The following ATP11B variants were observed in gnomAD, a reference collection of about 807,000 sequenced individuals.
ATP11B encodes ATPase phospholipid transporting 11B (putative).
ATP11B carries 81 observed loss-of-function variants against 157.8 expected under a neutral mutation model. That is an observed-to-expected ratio of 0.51 (90% CI 0.43 to 0.62). ATP11B has a LOEUF of 0.62. Among genes scored for constraint, ATP11B ranks in the 20% least tolerant of loss-of-function variants. ATP11B has a pLI of 0.00. For missense variants in ATP11B, 1,165 were observed against 1,402.2 expected (o/e 0.83, Z 2.70); for synonymous variants, 451 against 469.4 (o/e 0.96, Z 0.51).
chr3:182,871,091 G>A (rs1037910556), intron 17 of ATP11B, among the ~76,000 whole-genome samples: 1 of 152,058 alleles, frequency 6.6e-6, no homozygotes, highest in Admixed American at 6.6e-5. Context: ...TTGTGGCCAG[G>A]AGTTTGAGAC....
At chr3:182,824,795 A>G (rs958691451) in intron 2 of ATP11B, among the ~76,000 whole-genome samples, 1 of 152,180 alleles carries the variant, frequency 6.6e-6, no homozygotes, top group Non-Finnish European at 1.5e-5. Flanking sequence ...ACTCCTTCCA[A>G]AACAGATTAC....
Position 182,872,545 on chromosome 3 carries a change from T to A in ATP11B, c.2048+8T>A. On this transcript the variant is annotated splice_region_variant and intron_variant, in intron 18 of 29. Coordinates refer to ENST00000323116, the MANE Select transcript of ATP11B (RefSeq NM_014616.3). The stretch of plus-strand genomic sequence containing the variant: ...CACAGCAGTAGAAGACAGGTAAGTA[T>A]CAGATAATTAAAAAATATTACTTTT... The A allele has an allele frequency of 6.4e-7, 1 of 1,566,106 alleles. No individual in the cohort carries two copies. The highest frequency in any genetic ancestry group is 8.6e-7 in the Non-Finnish European group (1 of 1,159,538).
At chr3:182,861,706 T>G (rs956204341) in intron 12 of ATP11B, among the ~76,000 whole-genome samples, 1 of 152,178 alleles carries the variant, frequency 6.6e-6, no homozygotes, top group Non-Finnish European at 1.5e-5. Flanking sequence ...TGGGATAAAT[T>G]TGTGTTTTCA....
intron 28 of ATP11B, among the ~76,000 whole-genome samples, chr3:182,907,966 C>T (rs1724490858): frequency 6.6e-6 from 1 of 152,126 alleles, no homozygotes; most frequent in African/African-American, 2.4e-5. Flanking sequence ...TTCTCTCTTA[C>T]AGCCTGTGAC....
intron 7 of ATP11B, among the ~76,000 whole-genome samples, chr3:182,838,090 T>TA (rs1260086808): frequency 5.3e-5 from 8 of 152,214 alleles, no homozygotes; most frequent in Non-Finnish European, 7.4e-5. Flanking sequence ...TTTCCAAACT[T>TA]ACGTATCTTT....
chr3:182,898,666 C>G lies in ATP11B; in HGVS notation c.3212C>G (p.Ser1071Cys), dbSNP rs1577097009. The G allele has an allele frequency of 2.5e-6, 4 of 1,609,918 alleles. No homozygotes were observed. The highest frequency in any genetic ancestry group is 3.4e-6 in the Non-Finnish European group (4 of 1,178,088). Residue 1071 changes from serine (S) to cysteine (C), a missense_variant, in exon 28 of 30, where the codon TCT (serine) becomes TGT (cysteine). Coordinates refer to ENST00000323116, the MANE Select transcript of ATP11B (RefSeq NM_014616.3). ...FVFIQLLSSGSAWFAIILMVV... is the reference protein window; with the variant it reads ...FVFIQLLSSGCAWFAIILMVV... ...TTTATTCAGCTCCTGTCAAGTGGTT[C>G]TGCTTGGTTTGCCATAATCCTCATG... is the stretch of plus-strand genomic sequence containing the variant.
At chr3:182,855,472 A>G (rs1016637600) in intron 10 of ATP11B, among the ~76,000 whole-genome samples, 1 of 152,214 alleles carries the variant, frequency 6.6e-6, no homozygotes, top group Non-Finnish European at 1.5e-5. Flanking sequence ...TTAGACAAAG[A>G]GCTAGAAGAC....
At chr3:182,848,120 C>T (rs180929942) in intron 9 of ATP11B, among the ~76,000 whole-genome samples, 16 of 152,296 alleles carry the variant, frequency 1.1e-4, no homozygotes, top group Middle Eastern at 3.4e-3. Context: ...AAGTGCTTTT[C>T]CATATCTGTC....
intron 13 of ATP11B, 90 bp from the exon 14 acceptor site, chr3:182,866,178 T>A (rs1306432963): frequency 6.1e-6 from 6 of 984,680 alleles, no homozygotes; most frequent in Non-Finnish European, 8.5e-6. Flanking sequence ...TGTAGCACTC[T>A]TGTTCTAGAT....
Position 182,898,743 on chromosome 3 carries a change from C to G in ATP11B, c.3289C>G (p.Leu1097Val). Residue 1097 changes from leucine to valine, a missense_variant, in exon 28 of 30, where the codon CTC (leucine) becomes GTC (valine). Leu to Val is a conservative substitution (Grantham distance 32). Transcript: ENST00000323116. Reference sequence around the variant, plus strand: ...CATAAAGAAGGTCTTTGACCGACACCTCCACCCTACAAGTACTGAAAAGGC... The same window carrying G: ...CATAAAGAAGGTCTTTGACCGACACGTCCACCCTACAAGTACTGAAAAGGC... ...DIIKKVFDRH[L>V]HPTSTEKAQL... 2 of 1,580,226 alleles carry G rather than the reference C, an allele frequency of 1.3e-6. No individual in the cohort carries two copies. The highest frequency in any genetic ancestry group is 1.7e-6 in the Non-Finnish European group (2 of 1,163,690).
At position 182,852,582 on chromosome 3, in the gene ATP11B, GTTA is replaced by G. The variant is rs1447441163; in HGVS notation, c.851+4031_851+4033del. ...CCTTAAGTCTGTCAAATAGCTTTAAGTTATTATTTAAAAATGTCTCCACGCTAA... is the reference window on the plus strand; with the variant it reads ...CCTTAAGTCTGTCAAATAGCTTTAAGTTATTTAAAAATGTCTCCACGCTAA... On this transcript the variant is annotated intron_variant, in intron 10 of 29. Coordinates refer to ENST00000323116, the MANE Select transcript of ATP11B (RefSeq NM_014616.3). 9.9e-5 allele frequency among the ~76,000 whole-genome samples: 15 copies of G among 152,280 alleles called. No individual in the cohort carries two copies. The East Asian group carries it at 2.3e-3, about 23-fold the overall frequency.
chr3:182,891,549 A>G lies in ATP11B; in HGVS notation c.2982+2001A>G, dbSNP rs553944506. On this transcript the variant is annotated intron_variant, in intron 25 of 29. Coordinates refer to ENST00000323116, the MANE Select transcript of ATP11B (RefSeq NM_014616.3). ...AAATGCTTCAAGAACATTTTTCATG[A>G]TTACGTAATACTCTATTACATTGTC... is the stretch of plus-strand genomic sequence containing the variant. 4.6e-5 allele frequency among the ~76,000 whole-genome samples: 7 copies of G among 152,278 alleles called. No individual in the cohort carries two copies. The South Asian group carries it at 1.2e-3, about 27-fold the overall frequency.
Position 182,866,406 on chromosome 3 carries a change from T to G in ATP11B, c.1582T>G (p.Ser528Ala), listed in dbSNP as rs776614808. Residue 528 changes from serine (S) to alanine (A), a missense_variant, in exon 14 of 30, where the codon TCA becomes GCA. Physicochemically the swap from Ser to Ala is moderately conservative, Grantham distance 99. Coordinates refer to ENST00000323116, the MANE Select transcript of ATP11B (RefSeq NM_014616.3). ...ATCGCAGTTGGAGTACTATGCATCT[T>G]CACCAGATGAAAAGGCTCTAGTAGA... The part of the protein sequence containing the change: ...APSQLEYYAS[S>A]PDEKALVEAA... 5.0e-6 allele frequency: 8 copies of G among 1,612,182 alleles called. No individual in the cohort carries two copies. Among genetic ancestry groups the G allele is most frequent in the Middle Eastern group, 1.7e-4 (1 of 6,060 alleles).
chr3:182,921,469 A>G lies in ATP11B; in HGVS notation c.*3365A>G, dbSNP rs1484186674. The G allele has an allele frequency of 6.6e-6, 1 of 152,218 alleles. No individual in the cohort carries two copies. Among genetic ancestry groups the G allele is most frequent in the Admixed American group, 6.5e-5 (1 of 15,280 alleles). The allele number at this position is 152,218 out of a possible 1,614,324, so 9.4% of individuals were successfully genotyped here. A position where few individuals can be genotyped will look rare whatever the true frequency, so the allele number is the denominator to read the frequency against. On this transcript the variant is annotated 3_prime_UTR_variant, in exon 30 of 30. Transcript: ENST00000323116. ...GAGTATCTGGAAATATTGTAGCAAT[A>G]CTTGGTTTAAAATTTTGGACCTGAG...
At chr3:182,845,759 C>T (rs55668228) in intron 9 of ATP11B, among the ~76,000 whole-genome samples, 3,094 of 152,194 alleles carry the variant, frequency 0.02, 102 homozygotes, top group African/African-American at 0.072. Flanking sequence ...TTTACGGATA[C>T]TTGTGAAACT....
At chr3:182,851,365 T>TC (rs1165447333) in intron 10 of ATP11B, among the ~76,000 whole-genome samples, 1 of 152,252 alleles carries the variant, frequency 6.6e-6, no homozygotes, top group Non-Finnish European at 1.5e-5. Context: ...GTATTTTTTT[T>TC]CTCTTTTCCA....
At chr3:182,905,943 G>T (rs953320430) in intron 28 of ATP11B, 3 of 451,738 alleles carry the variant, frequency 6.6e-6, no homozygotes, top group East Asian at 7.0e-5. Flanking sequence ...GGACCTTCCC[G>T]GGCACTCATC....
rs1051063612 is a variant in ATP11B at position 182,919,395 on chromosome 3, A to G, written c.*1291A>G. The G allele has an allele frequency of 6.6e-6, 1 of 152,630 alleles. No individual in the cohort carries two copies. Among genetic ancestry groups the G allele is most frequent in the Non-Finnish European group, 1.5e-5 (1 of 68,020 alleles). The allele number at this position is 152,630 out of a possible 1,614,324, so 9.5% of individuals were successfully genotyped here. Reference sequence around the variant, plus strand: ...GATTAATCGGGTACATGTTACTGTAATTAACTCATTGCACTTCAAAACCTA... The same window carrying G: ...GATTAATCGGGTACATGTTACTGTAGTTAACTCATTGCACTTCAAAACCTA... On this transcript the variant is annotated 3_prime_UTR_variant, in exon 30 of 30. Coordinates refer to ENST00000323116, the MANE Select transcript of ATP11B (RefSeq NM_014616.3).
Position 182,897,228 on chromosome 3 carries a change from C to T in ATP11B, c.3049-75C>T, listed in dbSNP as rs1723614493. 8 of 795,084 alleles carry T rather than the reference C, an allele frequency of 1.0e-5. 1 individual carries two copies. Among genetic ancestry groups the T allele is most frequent in the Middle Eastern group, 2.7e-4 (1 of 3,696 alleles). 49.3% of individuals were successfully genotyped at this position (795,084 alleles called of 1,614,324 possible). A position where few individuals can be genotyped will look rare whatever the true frequency, so the allele number is the denominator to read the frequency against. On this transcript the variant is annotated intron_variant, in intron 26 of 29. Coordinates refer to ENST00000323116, the MANE Select transcript of ATP11B (RefSeq NM_014616.3). ...AGACTTTTAGATACTTATGTTTATT[C>T]TTGAGTTTCATCTGAAAGGTTAAGG...
Sources: allele counts gnomAD v4.1 joint callset (sites outside exome capture counted in the v4.1 genomes callset), GRCh38; gene constraint gnomAD v4.1.1; transcripts MANE v1.5; gene names NCBI Gene and HGNC (gene_info 2026-07-23, HGNC 2026-07-21).